PPP1R42: variants seen among roughly 807,000 people sequenced by gnomAD.
PPP1R42 encodes protein phosphatase 1 regulatory subunit 42.
PPP1R42 carries 34 observed loss-of-function variants against 31.0 expected under a neutral mutation model. That is an observed-to-expected ratio of 1.10 (90% CI 0.83 to 1.46). The LOEUF (loss-of-function observed/expected upper bound fraction) is 1.46, where lower values mean the gene tolerates loss of function less well. PPP1R42 is among the 40% of genes most tolerant of loss of function. PPP1R42 has a pLI of 0.00. For synonymous variants in PPP1R42, 103 were observed against 109.8 expected (o/e 0.94, Z 0.39); for missense variants, 268 against 303.0 (o/e 0.88, Z 0.86).
intron 6 of PPP1R42, chr8:66,985,827 A>G: frequency 8.1e-7 from 1 of 1,235,346 alleles, no homozygotes; most frequent in Non-Finnish European, 1.2e-6. Context: ...TCAGCATGCC[A>G]GGACTCTGAT....
At chr8:66,997,168 G>A (rs1271964008) in intron 5 of PPP1R42, among the ~76,000 whole-genome samples, 2 of 152,138 alleles carry the variant, frequency 1.3e-5, no homozygotes, top group African/African-American at 4.8e-5. Context: ...TTGACTCTAT[G>A]TGTGAGTTTA....
intron 4 of PPP1R42, among the ~76,000 whole-genome samples, chr8:67,011,774 C>G (rs190106557): frequency 6.6e-6 from 1 of 152,210 alleles, no homozygotes; most frequent in African/African-American, 2.4e-5. Flanking sequence ...AGTCAATCAT[C>G]AATTCATGGC....
chr8:67,003,389 CTTT>C (rs5892069), intron 5 of PPP1R42, among the ~76,000 whole-genome samples: 6 of 32,898 alleles, frequency 1.8e-4, no homozygotes, highest in Admixed American at 3.9e-4. Context: ...TTTCATGCTT[CTTT>C]TTTTTTTTTT....
intron 5 of PPP1R42, among the ~76,000 whole-genome samples, chr8:67,000,909 T>C (rs987536574): frequency 3.3e-5 from 5 of 152,244 alleles, no homozygotes; most frequent in Non-Finnish European, 2.9e-5. Flanking sequence ...TTGAAATCTC[T>C]GTTATAATTA....
At chr8:67,015,053 C>G (rs1472702232) in intron 2 of PPP1R42, among the ~76,000 whole-genome samples, 1 of 151,976 alleles carries the variant, frequency 6.6e-6, no homozygotes, top group Admixed American at 6.6e-5. Context: ...GAGTCTCATT[C>G]TGTTGGCCAG....
intron 3 of PPP1R42, 67 bp downstream of exon 3, chr8:67,014,359 A>C (rs1403910577): frequency 3.2e-6 from 3 of 933,328 alleles, no homozygotes; most frequent in Non-Finnish European, 4.6e-6. Context: ...AAATGCCTTC[A>C]TGCAAAAAAA....
intron 5 of PPP1R42, among the ~76,000 whole-genome samples, chr8:66,992,659 A>T (rs139680863): frequency 6.6e-6 from 1 of 152,302 alleles, no homozygotes; most frequent in Non-Finnish European, 1.5e-5. Context: ...CCTTCCCTGG[A>T]CCACAGCAGA....
chr8:67,013,201 A>G (rs763118621), intron 3 of PPP1R42, 105 bp from the exon 4 acceptor site: 12 of 861,106 alleles, frequency 1.4e-5, no homozygotes, highest in Non-Finnish European at 1.9e-5. Flanking sequence ...GAACAAAATT[A>G]TAAATGTGGA....
At position 66,988,484 on chromosome 8, in the gene PPP1R42, G is replaced by C; in HGVS notation, c.586C>G (p.Leu196Val). ...TTTCCATTTAGATCAATTTTCCACA[G>C]CTTCATCAACTTGTTCAGTAAAAAC... Reference protein sequence around the residue: ...LEFLLNKLMKLWKIDLNGNPV... With the variant: ...LEFLLNKLMKVWKIDLNGNPV... The change falls in exon 6 of 8, where the codon CTG becomes GTG. Residue 196 changes from leucine (L) to valine (V), a missense_variant. By Grantham distance (32) the Leu-to-Val change is conservative. Coordinates refer to ENST00000685739, the MANE Select transcript of PPP1R42 (RefSeq NM_001364910.1). 6.2e-7 allele frequency: 1 copy of C among 1,611,290 alleles called. No homozygotes were observed.
At chr8:66,966,857 A>G (rs182191618) in intron 7 of PPP1R42, among the ~76,000 whole-genome samples, 63 of 152,336 alleles carry the variant, frequency 4.1e-4, no homozygotes, top group Admixed American at 1.4e-3. Context: ...GGAAAATAAT[A>G]TAATTCTTTT....
At chr8:66,984,444 G>C in intron 6 of PPP1R42, 1 of 1,285,728 alleles carries the variant, frequency 7.8e-7, no homozygotes, top group South Asian at 1.2e-5. Context: ...CTACTACCAC[G>C]TTGACACCCT....
intron 6 of PPP1R42, chr8:66,984,592 A>G (rs1814945969): frequency 1.7e-6 from 2 of 1,189,888 alleles, no homozygotes; most frequent in Non-Finnish European, 1.3e-6. Flanking sequence ...TTCTAACTCC[A>G]TATACAGATA....
chr8:66,995,504 CA>C (rs1238843822), intron 5 of PPP1R42, among the ~76,000 whole-genome samples: 1 of 152,172 alleles, frequency 6.6e-6, no homozygotes, highest in Admixed American at 6.5e-5. Flanking sequence ...ATTCCTTCTC[CA>C]GAATATTTTT....
intron 6 of PPP1R42, chr8:66,984,488 G>T: frequency 8.0e-7 from 1 of 1,243,552 alleles, no homozygotes; most frequent in Non-Finnish European, 1.2e-6. Flanking sequence ...AGGTACAGTT[G>T]CCCAGCATTG....
At chr8:66,964,945 C>T (rs1814339536) in intron 7 of PPP1R42, among the ~76,000 whole-genome samples, 1 of 152,190 alleles carries the variant, frequency 6.6e-6, no homozygotes. Flanking sequence ...AACCCTTTCT[C>T]CCACCTCCAG....
chr8:66,986,437 C>T (rs1395527448), intron 6 of PPP1R42, among the ~76,000 whole-genome samples: 1 of 152,168 alleles, frequency 6.6e-6, no homozygotes, highest in African/African-American at 2.4e-5. Context: ...GAAAGTTAAA[C>T]CGGAACCAGA....
At chr8:67,020,193 T>TTTG (rs376676247) in intron 1 of PPP1R42, among the ~76,000 whole-genome samples, 20 of 151,902 alleles carry the variant, frequency 1.3e-4, no homozygotes, top group African/African-American at 2.2e-4. Flanking sequence ...GTGTTTTGTT[T>TTTG]TTGTTGTTGT....
At chr8:66,973,422 T>A (rs1042606736) in intron 7 of PPP1R42, among the ~76,000 whole-genome samples, 2 of 151,938 alleles carry the variant, frequency 1.3e-5, no homozygotes, top group African/African-American at 4.8e-5. Flanking sequence ...TCTTGCCTCA[T>A]CCTCCCAAGT....
At chr8:66,985,162 ATC>A (rs1379227008) in intron 6 of PPP1R42, 30 of 1,138,308 alleles carry the variant, frequency 2.6e-5, no homozygotes, top group African/African-American at 1.4e-4. Context: ...TGCTTGTGAA[ATC>A]TCTGCCTGAA....
Sources: allele counts gnomAD v4.1 joint callset (sites outside exome capture counted in the v4.1 genomes callset), GRCh38; gene constraint gnomAD v4.1.1; transcripts MANE v1.5; gene names NCBI Gene and HGNC (gene_info 2026-07-23, HGNC 2026-07-21).